Variants in KLF12 observed in about 807,000 individuals in gnomAD.
KLF12 encodes the protein KLF transcription factor 12.
In KLF12, 9 loss-of-function variants were observed where a neutral mutation model predicts 37.8. The ratio of observed to expected loss-of-function variants is 0.24; its 90% CI spans 0.14 to 0.42. The LOEUF is 0.42. KLF12 is among the 10% of genes least tolerant of loss of function. KLF12 has a pLI of 1.00. For synonymous variants in KLF12, 208 were observed against 202.1 expected (o/e 1.03, Z -0.25); for missense variants, 411 against 516.0 (o/e 0.80, Z 1.97).
chr13:74,279,449 A>C, the KLF12 span, among the ~76,000 whole-genome samples: 2 of 152,290 alleles, frequency 1.3e-5, no homozygotes, highest in South Asian at 4.1e-4. Context: ...GTGGGTAAGA[A>C]AAATTTTTTT....
At chr13:74,172,094 A>G in the KLF12 span, among the ~76,000 whole-genome samples, 1 of 150,302 alleles carries the variant, frequency 6.7e-6, no homozygotes, top group Non-Finnish European at 1.5e-5. Context: ...TACAAGGAGA[A>G]CTGGTTGAGA....
At chr13:74,265,749 C>A in the KLF12 span, among the ~76,000 whole-genome samples, 1 of 152,120 alleles carries the variant, frequency 6.6e-6, no homozygotes, top group Admixed American at 6.5e-5. Flanking sequence ...ATACTCTAGA[C>A]AACTGGCTAA....
chr13:74,228,706 G>A, the KLF12 span, among the ~76,000 whole-genome samples: 2 of 151,884 alleles, frequency 1.3e-5, no homozygotes, highest in African/African-American at 2.4e-5. Flanking sequence ...AAATGGAAAC[G>A]ATGGGACAGA....
At chr13:74,176,763 A>G in the KLF12 span, among the ~76,000 whole-genome samples, 1 of 152,118 alleles carries the variant, frequency 6.6e-6, no homozygotes, top group African/African-American at 2.4e-5. Context: ...TCTTATTTAT[A>G]CCGTCAACTT....
chr13:73,983,805 A>G (rs545357131), intron 2 of KLF12, among the ~76,000 whole-genome samples: 2 of 152,346 alleles, frequency 1.3e-5, no homozygotes, highest in East Asian at 3.9e-4. Flanking sequence ...GAGTGGCCTC[A>G]ACCACAACAG....
the KLF12 span, among the ~76,000 whole-genome samples, chr13:74,263,705 A>G: frequency 7.9e-5 from 12 of 152,154 alleles, no homozygotes; most frequent in Non-Finnish European, 1.8e-4. Context: ...ACGCCACTGC[A>G]CTCCAGCCTG....
At chr13:73,941,689 T>G (rs2139355242) in intron 3 of KLF12, among the ~76,000 whole-genome samples, 2 of 152,306 alleles carry the variant, frequency 1.3e-5, no homozygotes, top group South Asian at 4.1e-4. Context: ...AAGAGTTGAT[T>G]TAAAGCATTA....
the KLF12 span, among the ~76,000 whole-genome samples, chr13:74,183,463 C>T: frequency 6.6e-6 from 1 of 152,178 alleles, no homozygotes; most frequent in African/African-American, 2.4e-5. Flanking sequence ...CGTCATCAAT[C>T]TCCTTTGACC....
intron 3 of KLF12, among the ~76,000 whole-genome samples, chr13:73,853,019 G>A (rs1001404687): frequency 8.6e-5 from 13 of 151,508 alleles, no homozygotes; most frequent in African/African-American, 1.9e-4. Context: ...ACAGGCGCCC[G>A]CCACCATGCG....
Position 73,916,727 on chromosome 13 carries a change from G to A in KLF12, c.123+27254C>T, listed in dbSNP as rs115711319. ...GGCTTAAGTATGATCATTTAGGTTT[G>A]ATGTATGGAGTGAGAAGGTAGAAGC... On this transcript the variant is annotated intron_variant, in intron 3 of 7. Coordinates refer to ENST00000377669, the MANE Select transcript of KLF12 (RefSeq NM_007249.5). Among the ~76,000 whole-genome samples, 826 of 152,260 alleles carry A rather than the reference G, an allele frequency of 5.4e-3. 4 individuals are homozygous for A. Among genetic ancestry groups the A allele is most frequent in the African/African-American group, 0.018 (766 of 41,534 alleles).
intron 1 of KLF12, among the ~76,000 whole-genome samples, chr13:74,017,706 C>G (rs115701236): frequency 1.6e-3 from 242 of 152,016 alleles, no homozygotes; most frequent in African/African-American, 5.3e-3. Flanking sequence ...AGAAATGATA[C>G]ACACACATCT....
At chr13:73,901,405 T>C (rs1276898753) in intron 3 of KLF12, among the ~76,000 whole-genome samples, 2 of 152,186 alleles carry the variant, frequency 1.3e-5, no homozygotes, top group Admixed American at 6.5e-5. Context: ...TTTGTTGCCA[T>C]AGAAATATCT....
At chr13:73,756,951 C>T (rs1461181456) in intron 6 of KLF12, among the ~76,000 whole-genome samples, 10 of 152,124 alleles carry the variant, frequency 6.6e-5, no homozygotes, top group Non-Finnish European at 1.5e-4. Flanking sequence ...CTCCATATAA[C>T]CTACCTTATG....
chr13:73,796,939 C>G (rs183607865), intron 5 of KLF12, among the ~76,000 whole-genome samples: 6 of 152,042 alleles, frequency 3.9e-5, no homozygotes, highest in Admixed American at 1.3e-4. Flanking sequence ...AAAAAAAGAA[C>G]ACGATTCCAT....
chr13:74,085,266 C>G (rs1461951596), intron 1 of KLF12, among the ~76,000 whole-genome samples: 1 of 152,192 alleles, frequency 6.6e-6, no homozygotes, highest in Non-Finnish European at 1.5e-5. Flanking sequence ...GGGGATACCT[C>G]ATCACCTGCC....
At chr13:73,707,749 C>T (rs983395097) in intron 7 of KLF12, among the ~76,000 whole-genome samples, 23 of 152,158 alleles carry the variant, frequency 1.5e-4, no homozygotes, top group African/African-American at 5.1e-4. Flanking sequence ...CCAGGATGCA[C>T]AGCTGTCACA....
chr13:73,765,224 T>A (rs1440542075), intron 5 of KLF12, among the ~76,000 whole-genome samples: 1 of 152,164 alleles, frequency 6.6e-6, no homozygotes, highest in Non-Finnish European at 1.5e-5. Context: ...TCTGTCATAA[T>A]GTTCACTCTG....
chr13:74,300,915 G>T, the KLF12 span, among the ~76,000 whole-genome samples: 4 of 152,152 alleles, frequency 2.6e-5, no homozygotes, highest in Non-Finnish European at 5.9e-5. Context: ...TCAAGCAGTT[G>T]CTCTTACAGA....
chr13:73,889,711 G>A (rs923262052), intron 3 of KLF12, among the ~76,000 whole-genome samples: 2 of 151,840 alleles, frequency 1.3e-5, no homozygotes, highest in Non-Finnish European at 2.9e-5. Context: ...TAAAGTATAA[G>A]CAAAGATAAT....
Sources: gnomAD v4.1 joint callset for allele counts (sites outside exome capture counted in the v4.1 genomes callset) on GRCh38, gnomAD v4.1.1 for gene constraint, MANE v1.5 for transcripts, NCBI Gene and HGNC (gene_info 2026-07-23, HGNC 2026-07-21) for gene names.